Variants in CALN1 observed in about 807,000 individuals in gnomAD.
CALN1 encodes the protein calneuron 1.
In CALN1, 17 loss-of-function variants were observed where a neutral mutation model predicts 30.6. The ratio of observed to expected loss-of-function variants is 0.56; its 90% confidence interval spans 0.38 to 0.83. The LOEUF is 0.83. Among genes scored for constraint, CALN1 ranks in the 40% least tolerant of loss-of-function variants. The pLI is 0.00. For missense variants in CALN1, 291 were observed against 354.9 expected, an observed-to-expected ratio of 0.82 and a Z score of 1.45; for synonymous variants, 156 against 131.4, an observed-to-expected ratio of 1.19 and a Z score of -1.28.
intron 6 of CALN1, among the ~76,000 whole-genome samples, chr7:71,805,279 A>G (rs1009848646): frequency 7.2e-5 from 11 of 152,112 alleles, no homozygotes; most frequent in African/African-American, 2.4e-4. Context: ...CTCTAATGAG[A>G]GCAGCAGGAA....
chr7:72,288,639 A>T, intron 2 of CALN1, among the ~76,000 whole-genome samples: 1 of 152,256 alleles, frequency 6.6e-6, no homozygotes, highest in East Asian at 1.9e-4. Context: ...ACTTGGTATT[A>T]GCAGACTGTT....
At chr7:72,378,060 T>C (rs2129560672) in intron 2 of CALN1, among the ~76,000 whole-genome samples, 1 of 152,060 alleles carries the variant, frequency 6.6e-6, no homozygotes, top group South Asian at 2.1e-4. Flanking sequence ...CTGTTATCCA[T>C]TGGCTTAAAC....
In CALN1 at chr7:72,210,146, C is replaced by T. The variant is rs74780359; in HGVS notation, c.244+68540G>A. Among the ~76,000 whole-genome samples, 85 of 152,056 alleles carry T rather than the reference C, an allele frequency of 5.6e-4. No individual in the cohort carries two copies. In the East Asian group the frequency reaches 0.015, roughly 26 times the overall value. On this transcript the variant is annotated intron_variant, in intron 3 of 6. Coordinates refer to ENST00000395275, the MANE Select transcript of CALN1 (RefSeq NM_031468.4). The stretch of plus-strand genomic sequence containing the variant: ...ACAGTTTGCTTTTCTCATCTTCTTC[C>T]GTCTCCCCCTTCCAGCCATCCACCT...
intron 2 of CALN1, among the ~76,000 whole-genome samples, chr7:72,301,564 C>T (rs1378587498): frequency 2.0e-5 from 3 of 149,114 alleles, no homozygotes; most frequent in East Asian, 2.0e-4. Context: ...GCTGAGATCA[C>T]GCCACTGTAC....
chr7:72,067,349 C>T (rs1323432935), intron 4 of CALN1, among the ~76,000 whole-genome samples: 2 of 152,098 alleles, frequency 1.3e-5, no homozygotes, highest in African/African-American at 4.8e-5. Flanking sequence ...TCAAGCTATC[C>T]TCCTGCATCA....
At chr7:72,317,030 G>A (rs1029407660) in intron 2 of CALN1, among the ~76,000 whole-genome samples, 52 of 147,452 alleles carry the variant, frequency 3.5e-4, no homozygotes, top group Non-Finnish European at 1.3e-4. Context: ...GAAAGGAGAG[G>A]AGGAGGGAAG....
chr7:72,232,656 C>T (rs529178297), intron 3 of CALN1, among the ~76,000 whole-genome samples: 4 of 152,270 alleles, frequency 2.6e-5, no homozygotes, highest in East Asian at 3.9e-4. Flanking sequence ...GACAGGGTTT[C>T]GCCATGTTGG....
chr7:71,973,869 C>A (rs921723771), intron 5 of CALN1, among the ~76,000 whole-genome samples: 2 of 152,138 alleles, frequency 1.3e-5, no homozygotes, highest in Non-Finnish European at 2.9e-5. Flanking sequence ...AAAGGATGCT[C>A]TAATTATCAA....
intron 4 of CALN1, among the ~76,000 whole-genome samples, chr7:72,085,097 T>C (rs1318767510): frequency 6.6e-6 from 1 of 152,164 alleles, no homozygotes; most frequent in Non-Finnish European, 1.5e-5. Context: ...TGACTTACGG[T>C]CAGAAGGTCA....
intron 6 of CALN1, among the ~76,000 whole-genome samples, chr7:71,802,167 T>G (rs1199834752): frequency 6.6e-6 from 1 of 152,036 alleles, no homozygotes; most frequent in Non-Finnish European, 1.5e-5. Flanking sequence ...CCTTAATAGA[T>G]AGTATAATGT....
the CALN1 span, among the ~76,000 whole-genome samples, chr7:72,474,683 C>T: frequency 6.9e-6 from 1 of 144,770 alleles, no homozygotes; most frequent in African/African-American, 2.8e-5. Flanking sequence ...GAGATCTTGT[C>T]CCAAAAAAAA....
chr7:72,481,725 A>T, the CALN1 span, among the ~76,000 whole-genome samples: 4 of 152,172 alleles, frequency 2.6e-5, no homozygotes, highest in African/African-American at 9.6e-5. Flanking sequence ...TGGGTTTTTT[A>T]AAAGTGTGTT....
chr7:72,388,731 T>C (rs923873548), intron 2 of CALN1, among the ~76,000 whole-genome samples: 3 of 152,192 alleles, frequency 2.0e-5, no homozygotes, highest in African/African-American at 7.2e-5. Flanking sequence ...GGCTTAAGCA[T>C]CCTGCTTGCT....
intron 5 of CALN1, among the ~76,000 whole-genome samples, chr7:72,007,704 G>A (rs1057273385): frequency 8.5e-5 from 13 of 152,088 alleles, no homozygotes; most frequent in South Asian, 2.1e-4. Flanking sequence ...CAACATCTGC[G>A]CTCTATGCAA....
At chr7:72,246,182 G>A (rs1011519410) in intron 3 of CALN1, among the ~76,000 whole-genome samples, 11 of 152,080 alleles carry the variant, frequency 7.2e-5, no homozygotes, top group African/African-American at 2.7e-4. Context: ...TATGCAATGG[G>A]ACCTCTGGAT....
intron 3 of CALN1, among the ~76,000 whole-genome samples, chr7:72,197,403 T>A (rs1791105250): frequency 6.6e-6 from 1 of 152,208 alleles, no homozygotes; most frequent in East Asian, 1.9e-4. Flanking sequence ...GGTTTTGCCA[T>A]GTTGGTCGGG....
intron 1 of CALN1, among the ~76,000 whole-genome samples, chr7:72,404,438 ACT>A (rs1337317444): frequency 2.0e-5 from 3 of 151,968 alleles, no homozygotes; most frequent in Non-Finnish European, 4.4e-5. Flanking sequence ...ACAAACAAAG[ACT>A]CTCTTGAGAT....
chr7:72,214,876 T>G (rs9638639), intron 3 of CALN1, among the ~76,000 whole-genome samples: 42,015 of 151,200 alleles, frequency 0.28, 7,524 homozygotes, highest in East Asian at 0.87. Flanking sequence ...GGTTGCACAC[T>G]CCTTATGAGG....
intron 2 of CALN1, among the ~76,000 whole-genome samples, chr7:72,341,603 G>A (rs1194783956): frequency 2.0e-5 from 3 of 152,140 alleles, no homozygotes; most frequent in Admixed American, 2.0e-4. Context: ...TAAAATGTGG[G>A]GGCCTCCCAC....
Sources: gnomAD v4.1 joint callset for allele counts (sites outside exome capture counted in the v4.1 genomes callset) on GRCh38, gnomAD v4.1.1 for gene constraint, MANE v1.5 for transcripts, NCBI Gene and HGNC (gene_info 2026-07-23, HGNC 2026-07-21) for gene names.